The following ATRNL1 variants were observed in gnomAD, a reference collection of about 807,000 sequenced individuals.
ATRNL1 encodes attractin-like protein 1.
Under a neutral mutation model 182.7 loss-of-function variants are expected in ATRNL1, and 95 were observed. The observed-to-expected ratio is 0.52, with a 90% CI of 0.44 to 0.62. ATRNL1 has a LOEUF of 0.62. Ranked by LOEUF, ATRNL1 falls within the 20% of genes least tolerant of loss-of-function variation. The pLI is 0.00. For missense variants in ATRNL1, 1,471 were observed against 1,679.5 expected (o/e 0.88, Z 2.17); for synonymous variants, 576 against 568.3 (o/e 1.01, Z -0.19).
chr10:115,214,041 T>TACACACACACACAC (rs149167399), intron 8 of ATRNL1, among the ~76,000 whole-genome samples: 7,428 of 147,092 alleles, frequency 0.05, 235 homozygotes, highest in Non-Finnish European at 0.072. Flanking sequence ...TACAAATATG[T>TACACACACACACAC]ACACACACAC....
chr10:115,408,708 C>G (rs555394274), intron 20 of ATRNL1, among the ~76,000 whole-genome samples: 1 of 151,304 alleles, frequency 6.6e-6, no homozygotes, highest in Non-Finnish European at 1.5e-5. Context: ...TCTGGCCTTA[C>G]ATTTAGGTAT....
chr10:115,676,881 G>C (rs527504380), intron 26 of ATRNL1, among the ~76,000 whole-genome samples: 47 of 152,004 alleles, frequency 3.1e-4, no homozygotes, highest in Non-Finnish European at 2.9e-5. Context: ...CTTAAATATC[G>C]AACTTATTTC....
intron 19 of ATRNL1, among the ~76,000 whole-genome samples, chr10:115,336,299 G>T (rs566086337): frequency 6.6e-6 from 1 of 152,260 alleles, no homozygotes; most frequent in Admixed American, 6.5e-5. Context: ...TTAGTGCTCT[G>T]TCCAGTGGAT....
rs1555055207 is a variant in ATRNL1, at chr10:115,713,449, G to GTGTGTGTGTGTT, written c.3796-13788_3796-13787insTTGTGTGTGTGT. Among the ~76,000 whole-genome samples the GTGTGTGTGTGTT allele has an allele frequency of 5.3e-4, 73 of 137,704 alleles. 1 individual carries two copies. The highest frequency in any genetic ancestry group is 1.5e-3 in the African/African-American group (59 of 38,698). 90.3% of individuals were successfully genotyped at this position (137,704 alleles called of 152,430 possible). On this transcript the variant is annotated intron_variant, in intron 26 of 28. Coordinates refer to ENST00000355044, the MANE Select transcript of ATRNL1 (RefSeq NM_207303.4). ...CAAGGAAGAGGGAAAGTGGCTGTGT[G>GTGTGTGTGTGTT]TGTGTGTGTGTGTGTGTTTGTGTGT...
chr10:115,804,922 T>A (rs1349914066), intron 27 of ATRNL1, among the ~76,000 whole-genome samples: 2 of 152,230 alleles, frequency 1.3e-5, no homozygotes, highest in Non-Finnish European at 2.9e-5. Context: ...TAGTCTATAG[T>A]TTTGTAGGTT....
intron 26 of ATRNL1, among the ~76,000 whole-genome samples, chr10:115,703,042 G>A (rs1365418966): frequency 6.6e-6 from 1 of 151,904 alleles, no homozygotes; most frequent in Non-Finnish European, 1.5e-5. Context: ...AAAACAGATG[G>A]TACTGGTACA....
chr10:115,158,442 T>G lies in ATRNL1; in HGVS notation c.830-1598T>G, dbSNP rs1455704138. Reference sequence around the variant, plus strand: ...TGATTTCTAAGTTACTGTAATTAAATTAAAAAAGAGGTTCCTTTAATATCT... The same window carrying G: ...TGATTTCTAAGTTACTGTAATTAAAGTAAAAAAGAGGTTCCTTTAATATCT... On this transcript the variant is annotated intron_variant, in intron 5 of 28. Coordinates refer to ENST00000355044, the MANE Select transcript of ATRNL1 (RefSeq NM_207303.4). 2.0e-5 allele frequency among the ~76,000 whole-genome samples: 3 copies of G among 151,996 alleles called. No individual in the cohort carries two copies. The East Asian group carries it at 5.8e-4, about 29-fold the overall frequency.
intron 25 of ATRNL1, among the ~76,000 whole-genome samples, chr10:115,531,479 G>GT (rs1221735182): frequency 1.3e-5 from 2 of 151,838 alleles, no homozygotes; most frequent in African/African-American, 4.8e-5. Context: ...GGGGTTGTTT[G>GT]TTTTTTTCTT....
chr10:115,435,110 C>G (rs1225430103), intron 21 of ATRNL1, among the ~76,000 whole-genome samples: 2 of 151,224 alleles, frequency 1.3e-5, no homozygotes, highest in African/African-American at 4.9e-5. Context: ...CAAGCTCCGC[C>G]TCCTGGGTTC....
intron 27 of ATRNL1, among the ~76,000 whole-genome samples, chr10:115,754,276 G>C (rs1455527764): frequency 6.6e-6 from 1 of 152,092 alleles, no homozygotes; most frequent in African/African-American, 2.4e-5. Flanking sequence ...GTATTGCCTA[G>C]GTTTTCTTCT....
chr10:115,525,008 C>G (rs1389162954), intron 25 of ATRNL1, among the ~76,000 whole-genome samples: 2 of 152,134 alleles, frequency 1.3e-5, no homozygotes, highest in African/African-American at 2.4e-5. Flanking sequence ...TAGGTATTTT[C>G]AGGGATCATT....
intron 28 of ATRNL1, among the ~76,000 whole-genome samples, chr10:115,923,336 T>C (rs1055074618): frequency 3.9e-5 from 6 of 152,344 alleles, no homozygotes; most frequent in Middle Eastern, 3.4e-3. Flanking sequence ...TGTACAGGTT[T>C]ATTACATAGA....
At chr10:115,216,050 A>G (rs994097590) in intron 9 of ATRNL1, among the ~76,000 whole-genome samples, 170 bp downstream of exon 9, 1 of 152,180 alleles carries the variant, frequency 6.6e-6, no homozygotes, top group South Asian at 2.1e-4. Flanking sequence ...CTTCGATATC[A>G]TCTGTTCAGG....
chr10:115,258,792 G>C (rs1554907813), intron 10 of ATRNL1, among the ~76,000 whole-genome samples: 1 of 152,156 alleles, frequency 6.6e-6, no homozygotes, highest in Non-Finnish European at 1.5e-5. Context: ...ACCTACAGAT[G>C]GGGTTTTGGT....
chr10:115,344,170 A>G (rs988328506), intron 19 of ATRNL1, among the ~76,000 whole-genome samples: 1 of 152,064 alleles, frequency 6.6e-6, no homozygotes, highest in African/African-American at 2.4e-5. Flanking sequence ...GGGCTCTACA[A>G]TCAGCAGGTG....
At chr10:115,268,673 A>T (rs1851708655) in intron 13 of ATRNL1, among the ~76,000 whole-genome samples, 1 of 152,186 alleles carries the variant, frequency 6.6e-6, no homozygotes. Context: ...ACTTCTTTTC[A>T]TGGATGAGAC....
chr10:115,655,327 T>G (rs530746968), intron 26 of ATRNL1, among the ~76,000 whole-genome samples: 1 of 152,332 alleles, frequency 6.6e-6, no homozygotes, highest in South Asian at 2.1e-4. Context: ...ATAGTACATA[T>G]AAAGAGTGGA....
chr10:115,093,875 G>A lies in ATRNL1; in HGVS notation c.125G>A (p.Trp42Ter), dbSNP rs1554862351. The A allele has an allele frequency of 6.3e-7, 1 of 1,583,056 alleles. No homozygotes were observed. Among genetic ancestry groups the A allele is most frequent in the Non-Finnish European group, 8.6e-7 (1 of 1,167,404 alleles). The change falls in exon 1 of 29, where the codon TGG (tryptophan) becomes TAG (stop). Residue 42 changes from tryptophan (W) to a stop codon, truncating the protein, a stop_gained. Transcript: ENST00000355044. LOFTEE classifies it high-confidence loss of function. This position sits in a 1 kb window ranked among gnomAD's most constrained non-coding sequence, Gnocchi z 6.1. ...TCCTGGCTGCTGGACGGGAACAGCT[G>A]GCTGCTGTGCTATGGCTTCCTCTAC... is the stretch of plus-strand genomic sequence containing the variant. ...ASSWLLDGNS[W>*]LLCYGFLYLA... is the part of the protein sequence containing the mutation.
At chr10:115,729,173 T>C (rs1947709350) in intron 27 of ATRNL1, among the ~76,000 whole-genome samples, 1 of 152,156 alleles carries the variant, frequency 6.6e-6, no homozygotes, top group Non-Finnish European at 1.5e-5. Flanking sequence ...CAATAATGTA[T>C]TGTTAGGTAC....
Sources: gnomAD v4.1 joint callset for allele counts (sites outside exome capture counted in the v4.1 genomes callset) on GRCh38, gnomAD v4.1.1 for gene constraint, Gnocchi (gnomAD v3.1) non-coding constraint, MANE v1.5 for transcripts, NCBI Gene and HGNC (gene_info 2026-07-23, HGNC 2026-07-21) for gene names.